ATRX: variants seen among roughly 807,000 people sequenced by gnomAD.
The protein encoded by ATRX is ATRX chromatin remodeler.
A neutral mutation model predicts 172.6 loss-of-function variants in ATRX; 12 were observed. The ratio of observed to expected loss-of-function variants is 0.07; its 90% confidence interval spans 0.04 to 0.11. The LOEUF is 0.11. Ranked by LOEUF, ATRX falls within the 10% of genes least tolerant of loss-of-function variation. ATRX has a pLI of 1.00. For synonymous variants in ATRX, 674 were observed against 594.7 expected (o/e 1.13, Z -1.94); for missense variants, 1,368 against 1,767.4 (o/e 0.77, Z 4.05).
At chrX:77,677,551 T>C (rs1389443180) in intron 9 of ATRX, among the ~76,000 whole-genome samples, 2 of 111,305 alleles carry the variant, frequency 1.8e-5, no homozygotes, top group Admixed American at 9.6e-5. Flanking sequence ...TGAGTGCATG[T>C]GAAACTGGTG....
chrX:77,757,928 C>T (rs1180522223), intron 1 of ATRX, among the ~76,000 whole-genome samples: 3 of 109,510 alleles, frequency 2.7e-5, no homozygotes, highest in African/African-American at 1.0e-4. Flanking sequence ...CCTCGGCCTC[C>T]CAATTGACTT....
At chrX:77,579,697 C>G (rs782416429) in intron 27 of ATRX, among the ~76,000 whole-genome samples, 2 of 111,737 alleles carry the variant, frequency 1.8e-5, no homozygotes, top group South Asian at 7.5e-4. Flanking sequence ...ATGACAGGTA[C>G]AAACAAGCCC....
intron 1 of ATRX, among the ~76,000 whole-genome samples, chrX:77,746,288 G>A (rs782386717): frequency 4.5e-5 from 5 of 110,473 alleles, no homozygotes; most frequent in East Asian, 2.8e-4. Flanking sequence ...AAGTACCCCC[G>A]TAAATTTATA....
intron 19 of ATRX, among the ~76,000 whole-genome samples, chrX:77,632,428 T>C (rs782386222): frequency 2.7e-5 from 3 of 111,379 alleles, no homozygotes; most frequent in Non-Finnish European, 5.7e-5. Context: ...GGGAAAGAGA[T>C]AAACTTATTA....
intron 1 of ATRX, among the ~76,000 whole-genome samples, chrX:77,754,202 T>C (rs1557189032): frequency 9.0e-6 from 1 of 110,911 alleles, no homozygotes; most frequent in Non-Finnish European, 1.9e-5. Context: ...TTAATATTCC[T>C]CCAACCCTTT....
At position 77,683,826 on chromosome X, in the gene ATRX, T is replaced by C. The variant is rs2148622753; in HGVS notation, c.1430A>G (p.Asn477Ser). The change falls in exon 9 of 35, where the codon AAT (asparagine) becomes AGT (serine). Residue 477 changes from asparagine (N) to serine (S), a missense_variant. Asn to Ser is a conservative substitution (Grantham distance 46, BLOSUM62 1). Around this residue, in one of 17 missense-constraint regions of ATRX, gnomAD observed 843 missense variants for 643.1 expected, o/e 1.31. Coordinates refer to ENST00000373344, the MANE Select transcript of ATRX (RefSeq NM_000489.6). ...TGTTCTTTGTTCCTCTGTTGGAACA[T>C]TCTGATGCATGTGCTCACTATCTAC... is the stretch of plus-strand genomic sequence containing the variant. ...KQVDSEHMHQ[N>S]VPTEEQRTNK... 17 of 1,209,745 alleles carry C rather than the reference T, an allele frequency of 1.4e-5. No individual in the cohort carries two copies. The highest frequency in any genetic ancestry group is 1.9e-5 in the Non-Finnish European group (17 of 893,545).
chrX:77,684,931 T>A lies in ATRX; in HGVS notation c.662+8A>T, dbSNP rs1557143043. The A allele has an allele frequency of 1.7e-6, 2 of 1,188,090 alleles. No homozygotes were observed. Among genetic ancestry groups the A allele is most frequent in the African/African-American group, 3.5e-5 (2 of 56,919 alleles). On this transcript the variant is annotated splice_region_variant and intron_variant, in intron 8 of 34. Coordinates refer to ENST00000373344, the MANE Select transcript of ATRX (RefSeq NM_000489.6). ...AACACTGAATGTTAGCTCATCTATA[T>A]TACCTACCTACATTGTTCATCCATT...
At chrX:77,698,003 G>A (rs2072280925) in intron 3 of ATRX, among the ~76,000 whole-genome samples, 1 of 111,063 alleles carries the variant, frequency 9.0e-6, no homozygotes, top group Non-Finnish European at 1.9e-5. Flanking sequence ...AGAGAAGTAG[G>A]GAGTTTCAAG....
intron 1 of ATRX, among the ~76,000 whole-genome samples, chrX:77,762,467 GT>G (rs2075754513): frequency 9.1e-6 from 1 of 110,338 alleles, no homozygotes; most frequent in South Asian, 3.8e-4. Context: ...TTTAATAAAG[GT>G]TCGTAGAACA....
intron 30 of ATRX, 32 bp from the exon 31 acceptor site, chrX:77,523,433 AT>A (rs782660844): frequency 8.4e-7 from 1 of 1,188,466 alleles, no homozygotes; most frequent in Non-Finnish European, 1.1e-6. Flanking sequence ...AGAGACAATT[AT>A]TTTTCCCCTC....
At chrX:77,772,664 G>A (rs1160612197) in intron 1 of ATRX, among the ~76,000 whole-genome samples, 36 of 105,758 alleles carry the variant, frequency 3.4e-4, no homozygotes, top group African/African-American at 1.2e-3. Context: ...TGTATTTTTA[G>A]TAGAGACAGG....
chrX:77,620,364 T>G (rs2067528806), intron 20 of ATRX, 31 bp downstream of exon 20: 1 of 1,194,472 alleles, frequency 8.4e-7, no homozygotes, highest in Non-Finnish European at 1.1e-6. Flanking sequence ...AATACCAATA[T>G]TCTACTGCAT....
intron 1 of ATRX, among the ~76,000 whole-genome samples, chrX:77,760,652 A>G (rs782423013): frequency 5.0e-4 from 56 of 111,692 alleles, no homozygotes; most frequent in Non-Finnish European, 9.8e-4. Context: ...AAAATTCTAA[A>G]TAAGGTTTAT....
At chrX:77,778,128 C>CA (rs782624226) in intron 1 of ATRX, among the ~76,000 whole-genome samples, 1,319 of 46,160 alleles carry the variant, frequency 0.029, 19 homozygotes, top group African/African-American at 0.094. Flanking sequence ...GACTCTGTCT[C>CA]AAAAAAAAAA....
intron 2 of ATRX, among the ~76,000 whole-genome samples, chrX:77,707,221 G>T (rs151194199): frequency 8.9e-6 from 1 of 111,973 alleles, no homozygotes; most frequent in East Asian, 2.8e-4. Flanking sequence ...AGGGAAGATT[G>T]GGGAGTTAGT....
Position 77,664,548 on chromosome X carries a change from G to A in ATRX, c.3943+97C>T, listed in dbSNP as rs1369634503. 37 of 1,115,375 alleles carry A rather than the reference G, an allele frequency of 3.3e-5. No homozygotes were observed. The Admixed American group carries it at 8.2e-4, about 25-fold the overall frequency. The allele number at this position is 1,115,375 out of a possible 1,213,427, so 91.9% of individuals were successfully genotyped here. On this transcript the variant is annotated intron_variant, in intron 11 of 34. Coordinates refer to ENST00000373344, the MANE Select transcript of ATRX (RefSeq NM_000489.6). ...TTATAGGCGTGAGCCACCACGCCGG[G>A]CCATATTAAGATATTTCTTGGTCAG...
At chrX:77,538,844 A>C (rs1324600967) in intron 30 of ATRX, among the ~76,000 whole-genome samples, 1 of 110,184 alleles carries the variant, frequency 9.1e-6, no homozygotes, top group Non-Finnish European at 1.9e-5. Context: ...GTAAAGGTAA[A>C]GGGCCTTGTT....
Position 77,731,094 on chromosome X carries a change from A to G in ATRX, c.21-13851T>C, listed in dbSNP as rs1308616749. On this transcript the variant is annotated intron_variant, in intron 1 of 34. Transcript: ENST00000373344. The stretch of plus-strand genomic sequence containing the variant: ...AAACCTTTGGCCAGAGTAAAAAAAA[A>G]AAAAGAAAAAAAAAAGAAGATCCAA... 6.4e-4 allele frequency among the ~76,000 whole-genome samples: 71 copies of G among 110,118 alleles called. 3 individuals are homozygous for G. In the Admixed American group the frequency reaches 6.9e-3, roughly 11 times the overall value.
intron 30 of ATRX, among the ~76,000 whole-genome samples, chrX:77,551,234 A>T (rs2064495778): frequency 8.9e-6 from 1 of 112,124 alleles, no homozygotes; most frequent in Non-Finnish European, 1.9e-5. Flanking sequence ...GGCTATAGTA[A>T]CCAAAACAGC....
Sources: allele counts gnomAD v4.1 joint callset (sites outside exome capture counted in the v4.1 genomes callset), GRCh38; gene constraint gnomAD v4.1.1; regional missense constraint gnomAD v4.1.1; transcripts MANE v1.5; gene names NCBI Gene and HGNC (gene_info 2026-07-23, HGNC 2026-07-21).